Variants in METAP1 observed in about 807,000 individuals in gnomAD.
METAP1 encodes the protein methionine aminopeptidase 1.
METAP1 carries 28 observed loss-of-function variants against 53.8 expected under a neutral mutation model. The ratio of observed to expected loss-of-function variants is 0.52; its 90% CI spans 0.39 to 0.71. The LOEUF is 0.71. Ranked by LOEUF, METAP1 falls within the 30% of genes least tolerant of loss-of-function variation. The probability of loss-of-function intolerance (pLI) is 0.00; values close to 1 mark genes in which losing one functional copy is unlikely to be tolerated. For synonymous variants in METAP1, 181 were observed against 165.7 expected (o/e 1.09, Z -0.71); for missense variants, 389 against 479.8 (o/e 0.81, Z 1.77).
chr4:98,997,811 A>G (rs1317845611), intron 1 of METAP1, among the ~76,000 whole-genome samples: 3 of 152,200 alleles, frequency 2.0e-5, no homozygotes, highest in Non-Finnish European at 4.4e-5. Context: ...GCACTCAAAT[A>G]TTCCCAGAGT....
At position 99,045,242 on chromosome 4, in the gene METAP1, A is replaced by C; in HGVS notation, c.719A>C (p.Glu240Ala). The C allele has an allele frequency of 1.9e-6, 3 of 1,613,670 alleles. No individual in the cohort carries two copies. The highest frequency in any genetic ancestry group is 2.5e-6 in the Non-Finnish European group (3 of 1,179,750). ...GDLNETFFVGEVDDGARKLVQ... is the reference protein window; with the variant it reads ...GDLNETFFVGAVDDGARKLVQ... ...CTGAATGAGACATTTTTTGTTGGAG[A>C]AGTGGATGATGGAGCACGGAAACTT... The change falls in exon 8 of 11, where the codon GAA (glutamate) becomes GCA (alanine). Residue 240 changes from glutamate (E) to alanine (A), a missense_variant. By Grantham distance (107) the Glu-to-Ala change is moderately radical. Coordinates refer to ENST00000296411, the MANE Select transcript of METAP1 (RefSeq NM_015143.3).
intron 1 of METAP1, among the ~76,000 whole-genome samples, chr4:99,021,621 C>T (rs998701471): frequency 2.6e-5 from 4 of 152,092 alleles, no homozygotes; most frequent in Non-Finnish European, 4.4e-5. Context: ...AGTCCAGCCA[C>T]GAGAGCACAC....
intron 9 of METAP1, 32 bp downstream of exon 9, chr4:99,048,908 C>T: frequency 6.3e-7 from 1 of 1,598,522 alleles, no homozygotes; most frequent in African/African-American, 1.3e-5. Context: ...GGTATAAGCT[C>T]ACCATTTATT....
intron 1 of METAP1, among the ~76,000 whole-genome samples, chr4:99,000,650 A>G (rs541449615): frequency 1.3e-5 from 2 of 149,062 alleles, no homozygotes; most frequent in Admixed American, 1.3e-4. Context: ...ATCCAGGAAG[A>G]AAGTCTTTTT....
chr4:98,997,732 G>A (rs1293432529), intron 1 of METAP1, among the ~76,000 whole-genome samples: 2 of 152,186 alleles, frequency 1.3e-5, no homozygotes, highest in Non-Finnish European at 2.9e-5. Context: ...GGTTTATTCC[G>A]TGTGTTAGGA....
In METAP1 at chr4:98,996,435, C is replaced by G. The variant is rs114166924; in HGVS notation, c.114+568C>G. ...GGAGGAACGCTAGCTAGCTCCAGCC[C>G]CACTTCTTTGTGCTTTACTACCGTG... On this transcript the variant is annotated intron_variant, in intron 1 of 10. Coordinates refer to ENST00000296411, the MANE Select transcript of METAP1 (RefSeq NM_015143.3). 3.6e-3 allele frequency among the ~76,000 whole-genome samples: 542 copies of G among 152,360 alleles called. 2 individuals are homozygous for G. Among genetic ancestry groups the G allele is most frequent in the African/African-American group, 0.012 (518 of 41,590 alleles).
At chr4:99,016,252 CA>C (rs533151025) in intron 1 of METAP1, among the ~76,000 whole-genome samples, 86 of 152,284 alleles carry the variant, frequency 5.6e-4, no homozygotes, top group African/African-American at 1.9e-3. Flanking sequence ...GTAAGTAAGG[CA>C]ATCCATATAA....
chr4:99,041,667 A>G (rs1251241313), intron 6 of METAP1, among the ~76,000 whole-genome samples: 1 of 152,052 alleles, frequency 6.6e-6, no homozygotes, highest in Non-Finnish European at 1.5e-5. Context: ...AGTAGTTAAT[A>G]TAACATATGG....
Position 99,053,709 on chromosome 4 carries a change from T to A in METAP1, c.932-4044T>A, listed in dbSNP as rs1579333945. 5.3e-5 allele frequency among the ~76,000 whole-genome samples: 8 copies of A among 152,302 alleles called. 2 individuals carry two copies. The highest frequency in any genetic ancestry group is 5.2e-4 in the Admixed American group (8 of 15,290). ...CTTGAAAGTCAAAATTCCTTCTTGA[T>A]CCATGAGCTACAGAATAGATGCCAT... is the stretch of plus-strand genomic sequence containing the variant. On this transcript the variant is annotated intron_variant, in intron 9 of 10. Transcript: ENST00000296411.
At chr4:99,007,672 A>G (rs1359657382) in intron 1 of METAP1, among the ~76,000 whole-genome samples, 1 of 152,036 alleles carries the variant, frequency 6.6e-6, no homozygotes. Flanking sequence ...GGCACTAACC[A>G]GTAGTTGCAA....
At chr4:99,026,297 C>G in intron 1 of METAP1, 2 of 984,724 alleles carry the variant, frequency 2.0e-6, no homozygotes, top group Non-Finnish European at 2.4e-6. Flanking sequence ...TATAATAATG[C>G]TTTGGTGTTA....
chr4:99,031,645 G>A (rs1409928901), intron 2 of METAP1: 1 of 1,175,684 alleles, frequency 8.5e-7, no homozygotes, highest in African/African-American at 1.6e-5. Context: ...GAAGTGCTTA[G>A]CATGTGTACC....
chr4:99,051,596 G>T (rs1184605774), intron 9 of METAP1, among the ~76,000 whole-genome samples: 1 of 151,838 alleles, frequency 6.6e-6, no homozygotes, highest in Admixed American at 6.6e-5. Context: ...TCTCCATGTT[G>T]CCCAGACTGA....
At chr4:99,012,115 G>A (rs373527278) in intron 1 of METAP1, among the ~76,000 whole-genome samples, 21 of 151,812 alleles carry the variant, frequency 1.4e-4, no homozygotes, top group African/African-American at 4.6e-4. Flanking sequence ...TGTCCAGGCC[G>A]GTCTTGCATT....
At chr4:99,052,713 T>C (rs1284529392) in intron 9 of METAP1, among the ~76,000 whole-genome samples, 1 of 152,182 alleles carries the variant, frequency 6.6e-6, no homozygotes, top group Non-Finnish European at 1.5e-5. Context: ...ATCCAAACCA[T>C]ATCAGGGTTG....
At position 99,061,335 on chromosome 4, in the gene METAP1, C is replaced by A; in HGVS notation, c.*18C>A. ...AATTTTAATTTCTCCCAAGATGGCA[C>A]ATCTCAGTACCTTCTTACTGTGCTA... On this transcript the variant is annotated 3_prime_UTR_variant, in exon 11 of 11. Transcript: ENST00000296411. 6.2e-7 allele frequency: 1 copy of A among 1,602,996 alleles called. No individual in the cohort carries two copies. Among genetic ancestry groups the A allele is most frequent in the Non-Finnish European group, 8.5e-7 (1 of 1,172,530 alleles).
chr4:99,057,034 T>A (rs1053292563), intron 9 of METAP1, among the ~76,000 whole-genome samples: 7 of 152,090 alleles, frequency 4.6e-5, no homozygotes, highest in Non-Finnish European at 7.4e-5. Flanking sequence ...CCTGGCTAAT[T>A]TTTGTATTTT....
chr4:99,034,403 G>A (rs960479973), intron 3 of METAP1, 61 bp downstream of exon 3: 12 of 989,200 alleles, frequency 1.2e-5, no homozygotes, highest in Middle Eastern at 2.2e-4. Context: ...AATGATACTC[G>A]TAATTTGTTT....
intron 7 of METAP1, 147 bp from the exon 8 acceptor site, chr4:99,045,032 G>C: frequency 1.3e-6 from 1 of 741,722 alleles, no homozygotes; most frequent in Non-Finnish European, 2.1e-6. Flanking sequence ...CTTCTGTTGG[G>C]CAATAACTAT....
Sources: gnomAD v4.1 joint callset for allele counts (sites outside exome capture counted in the v4.1 genomes callset) on GRCh38, gnomAD v4.1.1 for gene constraint, MANE v1.5 for transcripts, NCBI Gene and HGNC (gene_info 2026-07-23, HGNC 2026-07-21) for gene names.